Variants in MCCC1 observed in about 807,000 individuals in gnomAD.
The protein encoded by MCCC1 is methylcrotonyl-CoA carboxylase subunit 1.
In MCCC1, 64 loss-of-function variants were observed where a neutral mutation model predicts 83.8. The observed-to-expected ratio is 0.76, with a 90% CI of 0.62 to 0.94. MCCC1 has a LOEUF of 0.94. Ranked by LOEUF, MCCC1 falls within the 40% of genes least tolerant of loss-of-function variation. The pLI, the probability that MCCC1 is intolerant of heterozygous loss-of-function variation, is 0.00. For synonymous variants in MCCC1, 322 were observed against 315.4 expected (o/e 1.02, Z -0.22); for missense variants, 807 against 904.7 (o/e 0.89, Z 1.39).
chr3:183,017,229 A>C (rs1224993839), intron 18 of MCCC1, 37 bp downstream of exon 18: 1 of 1,583,194 alleles, frequency 6.3e-7, no homozygotes, highest in South Asian at 1.1e-5. Context: ...GATTGCTCCC[A>C]AAGTCCTCAT....
chr3:183,042,454 CTTAAGT>C, intron 10 of MCCC1, among the ~76,000 whole-genome samples: 1 of 152,246 alleles, frequency 6.6e-6, no homozygotes, highest in East Asian at 1.9e-4. Context: ...TCTCTTTACT[CTTAAGT>C]TTTTTTCCAA....
intron 12 of MCCC1, 105 bp from the exon 13 acceptor site, chr3:183,037,539 T>C (rs987265368): frequency 2.1e-5 from 21 of 1,003,898 alleles, no homozygotes; most frequent in Admixed American, 1.2e-4. Context: ...GAACAACTCT[T>C]AGGAAAAATA....
chr3:183,087,800 G>A (rs1185461062), intron 3 of MCCC1, among the ~76,000 whole-genome samples: 2 of 151,258 alleles, frequency 1.3e-5, no homozygotes, highest in African/African-American at 4.9e-5. Context: ...GAACAGGGAG[G>A]CGGAGCTTGT....
chr3:183,072,947 G>T (rs1438404636), intron 4 of MCCC1, among the ~76,000 whole-genome samples: 8 of 152,154 alleles, frequency 5.3e-5, no homozygotes, highest in Admixed American at 1.3e-4. Flanking sequence ...ATAATAATTT[G>T]TCTGAGTTTG....
In MCCC1 at chr3:183,020,256, C is replaced by G; in HGVS notation, c.1870-19G>C. The stretch of plus-strand genomic sequence containing the variant: ...TTCCTTCCTAGAAACAGAAAACAAA[C>G]TGAAAACCGAATCAACATCCTATCA... On this transcript the variant is annotated intron_variant, in intron 16 of 18. Transcript: ENST00000265594. 6.4e-7 allele frequency: 1 copy of G among 1,569,816 alleles called. No homozygotes were observed. Among genetic ancestry groups the G allele is most frequent in the Non-Finnish European group, 8.8e-7 (1 of 1,140,132 alleles).
intron 10 of MCCC1, among the ~76,000 whole-genome samples, chr3:183,043,593 T>C (rs993157131): frequency 6.6e-6 from 1 of 152,222 alleles, no homozygotes; most frequent in African/African-American, 2.4e-5. Context: ...GACTCTTGAC[T>C]CACCAAATGG....
In MCCC1 at chr3:183,071,134, G is replaced by A; in HGVS notation, c.640-14C>T. ...AATCCTCATTCCCTAAGAGAGAAAA[G>A]ATGATTATGACTACAACATAAATAA... On this transcript the variant is annotated splice_polypyrimidine_tract_variant and intron_variant, in intron 6 of 18. Transcript: ENST00000265594. 1 of 1,614,178 alleles carries A rather than the reference G, an allele frequency of 6.2e-7. No individual in the cohort carries two copies. Among genetic ancestry groups the A allele is most frequent in the Non-Finnish European group, 8.5e-7 (1 of 1,180,026 alleles).
In MCCC1 at chr3:183,108,453, T is replaced by C. The variant is rs891193097; in HGVS notation, c.-102+7021A>G. ...TGATTAAATTGGTGTCTGCCAGGTT[T>C]CCTCACTGTAAATATTTTTTTTTGA... On this transcript the variant is annotated intron_variant, in intron 1 of 17. Coordinates refer to the MCCC1 transcript ENST00000492597. 2.6e-5 allele frequency among the ~76,000 whole-genome samples: 4 copies of C among 152,222 alleles called. No individual in the cohort carries two copies. The East Asian group carries it at 7.7e-4, about 29-fold the overall frequency.
At chr3:183,103,700 C>T (rs1286249890), upstream of MCCC1, among the ~76,000 whole-genome samples, 3 of 152,240 alleles carry the variant, frequency 2.0e-5, no homozygotes, top group Non-Finnish European at 4.4e-5. Context: ...GGGTCCGGCA[C>T]TGGGGCTGCA....
At chr3:183,032,766 C>T (rs1301128956) in intron 14 of MCCC1, among the ~76,000 whole-genome samples, 2 of 151,424 alleles carry the variant, frequency 1.3e-5, no homozygotes, top group South Asian at 2.1e-4. Context: ...CTCAGATACT[C>T]GGGAGGCTGA....
intron 14 of MCCC1, among the ~76,000 whole-genome samples, chr3:183,028,012 T>A (rs1283499523): frequency 2.0e-5 from 3 of 152,242 alleles, no homozygotes; most frequent in Non-Finnish European, 4.4e-5. Context: ...GAAGATGCCA[T>A]CTAGGACTTT....
intron 7 of MCCC1, among the ~76,000 whole-genome samples, chr3:183,067,392 T>C (rs2108520108): frequency 6.6e-6 from 1 of 152,330 alleles, no homozygotes; most frequent in Non-Finnish European, 1.5e-5. Flanking sequence ...TCAAAACCAA[T>C]TTTAAAAGCC....
chr3:183,052,343 TCAA>T lies in MCCC1; in HGVS notation c.874-106_874-104del, dbSNP rs549544376. The T allele has an allele frequency of 1.2e-3, 1,174 of 962,208 alleles. 2 individuals are homozygous for T. The highest frequency in any genetic ancestry group is 4.0e-3 in the Admixed American group (209 of 52,116). 59.6% of individuals were successfully genotyped at this position (962,208 alleles called of 1,614,324 possible). A position where few individuals can be genotyped will look rare whatever the true frequency, so the allele number is the denominator to read the frequency against. On this transcript the variant is annotated intron_variant, in intron 8 of 18. Coordinates refer to ENST00000265594, the MANE Select transcript of MCCC1 (RefSeq NM_020166.5). ...GGTGCCACATAATGACGTTTCTTAG[TCAA>T]CAACAGACCACATATACAACAGTTG... is the stretch of plus-strand genomic sequence containing the variant.
At chr3:183,101,019 C>T (rs1298994473), upstream of MCCC1, among the ~76,000 whole-genome samples, 3 of 152,264 alleles carry the variant, frequency 2.0e-5, no homozygotes, top group Admixed American at 6.5e-5. Flanking sequence ...TGACCCCGGG[C>T]AATGGGGGAC....
In MCCC1 at chr3:183,086,754, G is replaced by A. The variant is rs1717921865; in HGVS notation, c.308C>T (p.Ser103Phe). ...CTCCATAGATAGGTAGCTCTGCTGG[G>A]AGGGAGCGGGGCCGATGGAATATGC... is the stretch of plus-strand genomic sequence containing the variant. ...DEAYSIGPAP[S>F]QQSYLSMEKI... Residue 103 changes from serine (S) to phenylalanine (F), a missense_variant, in exon 4 of 19, where the codon TCC becomes TTC. Ser to Phe is a radical substitution (Grantham distance 155). Coordinates refer to ENST00000265594, the MANE Select transcript of MCCC1 (RefSeq NM_020166.5). The A allele has an allele frequency of 2.5e-6, 4 of 1,614,056 alleles. No homozygotes were observed. Among genetic ancestry groups the A allele is most frequent in the Non-Finnish European group, 3.4e-6 (4 of 1,180,034 alleles).
At chr3:183,059,003 C>A (rs1272681064) in intron 7 of MCCC1, among the ~76,000 whole-genome samples, 1 of 152,066 alleles carries the variant, frequency 6.6e-6, no homozygotes, top group East Asian at 1.9e-4. Flanking sequence ...TTTATTTAAC[C>A]ACTTCAAAGA....
chr3:183,016,698 ATGG>A (rs1217308093), intron 18 of MCCC1, among the ~76,000 whole-genome samples: 1 of 152,240 alleles, frequency 6.6e-6, no homozygotes, highest in Admixed American at 6.5e-5. Context: ...TTCAACGTGT[ATGG>A]TTTTGCACCA....
At position 183,041,586 on chromosome 3, in the gene MCCC1, A is replaced by C. The variant is rs1351056934; in HGVS notation, c.1248T>G (p.Ile416Met). 6.2e-7 allele frequency: 1 copy of C among 1,614,090 alleles called. No homozygotes were observed. Among genetic ancestry groups the C allele is most frequent in the South Asian group, 1.1e-5 (1 of 91,072 alleles). The change falls in exon 11 of 19, where the codon ATT becomes ATG. Residue 416 changes from isoleucine (I) to methionine (M), a missense_variant. Transcript: ENST00000265594. ...STPRADPSTRIETGVRQGDEV... is the reference protein window; with the variant it reads ...STPRADPSTRMETGVRQGDEV... ...CTTTACCTTGCCGTACTCCAGTTTC[A>C]ATCCTGGTGGAAGGGTCTGCTCGAG...
intron 4 of MCCC1, among the ~76,000 whole-genome samples, chr3:183,084,436 T>C (rs1270892553): frequency 6.6e-6 from 1 of 152,190 alleles, no homozygotes; most frequent in Admixed American, 6.5e-5. Flanking sequence ...GATACATATG[T>C]ATATCTCCAC....
Sources: gnomAD v4.1 joint callset for allele counts (sites outside exome capture counted in the v4.1 genomes callset) on GRCh38, gnomAD v4.1.1 for gene constraint, MANE v1.5 for transcripts, NCBI Gene and HGNC (gene_info 2026-07-23, HGNC 2026-07-21) for gene names.